The following RANBP17 variants were observed in gnomAD, a reference collection of about 807,000 sequenced individuals.
RANBP17 encodes RAN binding protein 17, also known as ran-binding protein 17.
In RANBP17, 158 loss-of-function variants were observed where a neutral mutation model predicts 141.2. That is an observed-to-expected ratio of 1.12 (90% CI 0.98 to 1.28). The LOEUF (loss-of-function observed/expected upper bound fraction) is 1.28, where lower values mean the gene tolerates loss of function less well. Among genes scored for constraint, RANBP17 ranks in the 50% most tolerant of loss-of-function variants. RANBP17 has a pLI of 0.00. For synonymous variants in RANBP17, 430 were observed against 450.0 expected (o/e 0.96, Z 0.56); for missense variants, 1,438 against 1,290.7 (o/e 1.11, Z -1.75).
chr5:170,993,728 C>T (rs1778649072), intron 14 of RANBP17, among the ~76,000 whole-genome samples: 1 of 152,004 alleles, frequency 6.6e-6, no homozygotes. Flanking sequence ...ATGGCTGTCA[C>T]TTTTCTGGTT....
chr5:171,116,095 G>T (rs1755610746), intron 14 of RANBP17, among the ~76,000 whole-genome samples: 1 of 152,186 alleles, frequency 6.6e-6, no homozygotes, highest in Admixed American at 6.5e-5. Context: ...GAGAATTAAA[G>T]ACAGGTAAAT....
intron 14 of RANBP17, among the ~76,000 whole-genome samples, chr5:171,157,868 G>C (rs2127847873): frequency 6.6e-6 from 1 of 152,342 alleles, no homozygotes; most frequent in South Asian, 2.1e-4. Flanking sequence ...ATTTGTGGTT[G>C]GGAACCTTTG....
intron 18 of RANBP17, among the ~76,000 whole-genome samples, chr5:171,198,269 G>A (rs1159280094): frequency 6.6e-6 from 1 of 152,198 alleles, no homozygotes; most frequent in Non-Finnish European, 1.5e-5. Context: ...AATTTGGTCT[G>A]CCTTACTCTT....
intron 4 of RANBP17, 40 bp downstream of exon 4, chr5:170,892,593 G>A: frequency 6.4e-7 from 1 of 1,560,854 alleles, no homozygotes; most frequent in Non-Finnish European, 8.7e-7. Flanking sequence ...ATCACTACTT[G>A]CTTTTTTTGG....
intron 13 of RANBP17, among the ~76,000 whole-genome samples, chr5:170,954,058 C>T (rs1340444704): frequency 6.6e-6 from 1 of 152,022 alleles, no homozygotes; most frequent in East Asian, 1.9e-4. Flanking sequence ...AGTCAGTTAC[C>T]CATCGCAGGT....
In RANBP17 at chr5:171,218,724, CT is replaced by C. The variant is rs201748300; in HGVS notation, c.2340-3022del. Among the ~76,000 whole-genome samples, 592 of 144,024 alleles carry C rather than the reference CT, an allele frequency of 4.1e-3. 5 individuals carry two copies. Among genetic ancestry groups the C allele is most frequent in the East Asian group, 9.2e-3 (46 of 4,976 alleles). The allele number at this position is 144,024 out of a possible 152,430, so 94.5% of individuals were successfully genotyped here. ...TTTTATCAGAGACTAGATTGCCACC[CT>C]TTTTTTTTTTTCCTTTCCATTTGCT... On this transcript the variant is annotated intron_variant, in intron 21 of 27. Transcript: ENST00000523189.
At chr5:171,267,642 A>T (rs896834421) in intron 25 of RANBP17, among the ~76,000 whole-genome samples, 1 of 152,056 alleles carries the variant, frequency 6.6e-6, no homozygotes, top group Admixed American at 6.5e-5. Flanking sequence ...CCCTGTCTCT[A>T]CTAAAAATAC....
intron 14 of RANBP17, among the ~76,000 whole-genome samples, chr5:171,003,944 C>G (rs1369275541): frequency 6.6e-6 from 1 of 152,072 alleles, no homozygotes; most frequent in East Asian, 1.9e-4. Context: ...GGGTTGGGCA[C>G]CACAGGGTGG....
rs1763578464 is a variant in RANBP17 at position 171,221,835 on chromosome 5, C to T, written c.2417C>T (p.Thr806Ile). ...AGAGAAGCTAGTAAAATGGTTTGCA[C>T]TTATGGTGAGTGTCCTTTTCCATAT... ...LFREASKMVCTYGNQILSLGS... is the reference protein window; with the variant it reads ...LFREASKMVCIYGNQILSLGS... The change falls in exon 22 of 28, where the codon ACT (threonine) becomes ATT (isoleucine). Residue 806 changes from threonine (T) to isoleucine (I), a missense_variant. Thr to Ile is a moderately conservative substitution (Grantham distance 89). Transcript: ENST00000523189. 6.3e-7 allele frequency: 1 copy of T among 1,583,204 alleles called. No homozygotes were observed. The highest frequency in any genetic ancestry group is 1.3e-5 in the African/African-American group (1 of 74,200).
At position 171,285,605 on chromosome 5, in the gene RANBP17, A is replaced by G. The variant is rs371343714; in HGVS notation, c.2944-8278A>G. 1.3e-3 allele frequency among the ~76,000 whole-genome samples: 203 copies of G among 152,334 alleles called. 10 individuals are homozygous for G. In the South Asian group the frequency reaches 0.04, roughly 30 times the overall value. ...GAGTGGCAAACCCTGCAGCCTTCCA[A>G]TGCCCCAGGTTTTCTGGTTTTATTT... On this transcript the variant is annotated intron_variant, in intron 25 of 27. Transcript: ENST00000523189.
Position 170,932,083 on chromosome 5 carries a change from T to C in RANBP17, c.1468+7533T>C, listed in dbSNP as rs182519150. On this transcript the variant is annotated intron_variant, in intron 12 of 27. Transcript: ENST00000523189. ...TTGTTTGTATCCTCTTTTATTTCAC[T>C]GAGCAGTGGTTTGTAGTTCTCCTTG... is the stretch of plus-strand genomic sequence containing the variant. 5.9e-3 allele frequency among the ~76,000 whole-genome samples: 903 copies of C among 152,314 alleles called. 7 individuals carry two copies. Among genetic ancestry groups the C allele is most frequent in the African/African-American group, 0.021 (861 of 41,552 alleles).
intron 12 of RANBP17, among the ~76,000 whole-genome samples, chr5:170,930,374 A>G (rs1773258638): frequency 1.3e-5 from 2 of 151,048 alleles, no homozygotes; most frequent in Non-Finnish European, 1.5e-5. Context: ...TTTTATTATT[A>G]CTTTTTTCTA....
intron 14 of RANBP17, among the ~76,000 whole-genome samples, chr5:171,141,246 T>G (rs1757670418): frequency 6.6e-6 from 1 of 152,096 alleles, no homozygotes; most frequent in African/African-American, 2.4e-5. Context: ...ATACTCAGAC[T>G]TACAAGTTCA....
In RANBP17 at chr5:171,018,384, C is replaced by T. The variant is rs372267664; in HGVS notation, c.1710+50007C>T. Among the ~76,000 whole-genome samples, 33 of 152,214 alleles carry T rather than the reference C, an allele frequency of 2.2e-4. 1 individual carries two copies. The highest frequency in any genetic ancestry group is 6.8e-3 in the Middle Eastern group (2 of 294). ...TTTCACAATATTGATTCTTCCTATCCGTGAGGATGGAATGTTTTTCCATTT... is the reference window on the plus strand; with the variant it reads ...TTTCACAATATTGATTCTTCCTATCTGTGAGGATGGAATGTTTTTCCATTT... On this transcript the variant is annotated intron_variant, in intron 14 of 27. Transcript: ENST00000523189.
At chr5:171,240,360 A>T (rs985982704) in intron 22 of RANBP17, among the ~76,000 whole-genome samples, 11 of 152,198 alleles carry the variant, frequency 7.2e-5, no homozygotes, top group African/African-American at 2.7e-4. Flanking sequence ...CTGAAGAAGG[A>T]TCTAAGAAGA....
chr5:171,025,735 A>ATTG (rs1163877075), intron 14 of RANBP17, among the ~76,000 whole-genome samples: 1 of 151,404 alleles, frequency 6.6e-6, no homozygotes, highest in Non-Finnish European at 1.5e-5. Context: ...TGCCCAAGTA[A>ATTG]TTGTTGTTGT....
chr5:171,252,053 T>G, intron 24 of RANBP17: 2 of 1,604,528 alleles, frequency 1.2e-6, no homozygotes, highest in Non-Finnish European at 1.7e-6. Flanking sequence ...GAGAGCCTTC[T>G]TACATGCTTA....
At chr5:171,265,608 T>C (rs1231888441) in intron 24 of RANBP17, 73 bp from the exon 25 acceptor site, 6 of 1,288,826 alleles carry the variant, frequency 4.7e-6, no homozygotes, top group African/African-American at 1.5e-5. Context: ...TTATTTTTAA[T>C]GGAGCCGTTA....
At chr5:171,146,303 G>A (rs947982808) in intron 14 of RANBP17, among the ~76,000 whole-genome samples, 3 of 152,204 alleles carry the variant, frequency 2.0e-5, no homozygotes, top group Non-Finnish European at 4.4e-5. Context: ...ACAAGAAAAT[G>A]TAATTATCAA....
Sources: allele counts gnomAD v4.1 joint callset (sites outside exome capture counted in the v4.1 genomes callset), GRCh38; gene constraint gnomAD v4.1.1; transcripts MANE v1.5; gene names NCBI Gene and HGNC (gene_info 2026-07-23, HGNC 2026-07-21).